Variants in FAM171A1 observed in about 807,000 individuals in gnomAD.
FAM171A1 encodes the protein family with sequence similarity 171 member A1, also known as protein FAM171A1.
A neutral mutation model predicts 74.9 loss-of-function variants in FAM171A1; 23 were observed. The observed-to-expected ratio is 0.31, with a 90% CI of 0.22 to 0.44. The LOEUF (loss-of-function observed/expected upper bound fraction) is 0.44, where lower values mean the gene tolerates loss of function less well. Among genes scored for constraint, FAM171A1 ranks in the 20% least tolerant of loss-of-function variants. FAM171A1 has a pLI of 1.00. For missense variants in FAM171A1, 1,162 were observed against 1,159.2 expected, an observed-to-expected ratio of 1.00 and a Z score of -0.03; for synonymous variants, 527 against 505.7, an observed-to-expected ratio of 1.04 and a Z score of -0.57.
intron 1 of FAM171A1, among the ~76,000 whole-genome samples, chr10:15,323,601 T>G (rs1034250952): frequency 1.3e-5 from 2 of 152,202 alleles, no homozygotes; most frequent in African/African-American, 4.8e-5. Context: ...AGAAATGGAC[T>G]TGGTGGGCAT....
chr10:15,331,735 A>ATG lies in FAM171A1; in HGVS notation c.97+39219_97+39220dup, dbSNP rs539025452. Among the ~76,000 whole-genome samples the ATG allele has an allele frequency of 4.0e-3, 590 of 148,852 alleles. 2 individuals carry two copies. The highest frequency in any genetic ancestry group is 0.012 in the African/African-American group (479 of 40,708). ...ATTACAGGACTGATGTTTTATATATATGTGTGTGTGTGTGTGTATGTATAT... is the reference window on the plus strand; with the variant it reads ...ATTACAGGACTGATGTTTTATATATATGTGTGTGTGTGTGTGTGTATGTATAT... On this transcript the variant is annotated intron_variant, in intron 1 of 7. Coordinates refer to ENST00000378116, the MANE Select transcript of FAM171A1 (RefSeq NM_001010924.2).
At chr10:15,241,575 G>A (rs1192931391) in intron 5 of FAM171A1, 1 of 152,130 alleles carries the variant, frequency 6.6e-6, no homozygotes, top group African/African-American at 2.4e-5. Flanking sequence ...CGACCCATGA[G>A]ATATTCTCCT....
At chr10:15,230,535 A>G (rs1306403835) in intron 5 of FAM171A1, among the ~76,000 whole-genome samples, 1 of 152,250 alleles carries the variant, frequency 6.6e-6, no homozygotes, top group Non-Finnish European at 1.5e-5. Flanking sequence ...TGAAATCATG[A>G]ATGTGTTGAA....
intron 3 of FAM171A1, among the ~76,000 whole-genome samples, chr10:15,264,824 C>T (rs1834717172): frequency 6.6e-6 from 1 of 151,484 alleles, no homozygotes; most frequent in Non-Finnish European, 1.5e-5. Flanking sequence ...GTAGTAAAGA[C>T]CACTATTTAT....
chr10:15,358,214 G>A (rs185780268), intron 1 of FAM171A1, among the ~76,000 whole-genome samples: 1 of 152,136 alleles, frequency 6.6e-6, no homozygotes, highest in East Asian at 1.9e-4. Flanking sequence ...GGGCTCAAGC[G>A]ATCCTCCTGC....
At chr10:15,251,152 C>G (rs1043458702) in intron 4 of FAM171A1, among the ~76,000 whole-genome samples, 1 of 152,158 alleles carries the variant, frequency 6.6e-6, no homozygotes, top group Non-Finnish European at 1.5e-5. Context: ...GAAATAAGTA[C>G]ACTCAGCTTG....
chr10:15,337,264 G>T (rs939382607), intron 1 of FAM171A1, among the ~76,000 whole-genome samples: 2 of 152,180 alleles, frequency 1.3e-5, no homozygotes, highest in East Asian at 3.8e-4. Flanking sequence ...CCCTAAAAAA[G>T]AAATATATGC....
upstream of FAM171A1, among the ~76,000 whole-genome samples, chr10:15,373,670 T>C (rs1836174395): frequency 6.6e-6 from 1 of 152,198 alleles, no homozygotes; most frequent in African/African-American, 2.4e-5. Flanking sequence ...AGGATAGATG[T>C]GACCTCTCTG....
At chr10:15,296,836 A>G (rs1430568227) in intron 1 of FAM171A1, among the ~76,000 whole-genome samples, 2 of 136,908 alleles carry the variant, frequency 1.5e-5, no homozygotes, top group African/African-American at 4.9e-5. Flanking sequence ...CATGGAAGAG[A>G]AAAATCTGCT....
intron 2 of FAM171A1, among the ~76,000 whole-genome samples, chr10:15,277,002 CA>C (rs1467105919): frequency 6.6e-6 from 1 of 152,154 alleles, no homozygotes; most frequent in Non-Finnish European, 1.5e-5. Context: ...ATGCTATTTT[CA>C]AACTCTTGCT....
rs1833938237 is a variant in FAM171A1, at chr10:15,214,318, C to G, written c.1270G>C (p.Glu424Gln). Residue 424 changes from glutamate (E) to glutamine (Q), a missense_variant, in exon 8 of 8, where the codon GAA becomes CAA. Physicochemically the swap from Glu to Gln is conservative, Grantham distance 29. Transcript: ENST00000378116. Reference protein sequence around the residue: ...MLKLSYSTSQEFSSREELLSC... With the variant: ...MLKLSYSTSQQFSSREELLSC... The stretch of plus-strand genomic sequence containing the variant: ...AGGAGCTCCTCCCGGGAGCTAAATT[C>G]CTGGGAGGTGCTGTAGGAGAGCTTG... The G allele has an allele frequency of 6.2e-7, 1 of 1,612,770 alleles. No homozygotes were observed.
intron 5 of FAM171A1, among the ~76,000 whole-genome samples, chr10:15,239,316 T>A (rs920993336): frequency 1.3e-5 from 2 of 151,872 alleles, no homozygotes; most frequent in African/African-American, 4.8e-5. Context: ...TTATTTTTAT[T>A]TTTTTTTGAG....
At chr10:15,316,673 C>A (rs1835426128) in intron 1 of FAM171A1, among the ~76,000 whole-genome samples, 1 of 152,104 alleles carries the variant, frequency 6.6e-6, no homozygotes. Context: ...AGGTGAGATG[C>A]CAGGTTCTTA....
intron 1 of FAM171A1, among the ~76,000 whole-genome samples, chr10:15,326,851 C>T (rs1319712136): frequency 2.0e-5 from 3 of 152,168 alleles, no homozygotes; most frequent in African/African-American, 4.8e-5. Context: ...TGGTTTTGAA[C>T]TCCTGACCTC....
chr10:15,314,166 G>A (rs1332258596), intron 1 of FAM171A1, among the ~76,000 whole-genome samples: 1 of 152,106 alleles, frequency 6.6e-6, no homozygotes, highest in African/African-American at 2.4e-5. Context: ...CCTACAACTG[G>A]GGAAGGATTT....
intron 4 of FAM171A1, among the ~76,000 whole-genome samples, chr10:15,250,193 T>C (rs376586597): frequency 6.6e-6 from 1 of 152,194 alleles, no homozygotes; most frequent in East Asian, 1.9e-4. Flanking sequence ...TGTTTTTTAA[T>C]GAAGGCAAAG....
At chr10:15,235,840 C>T (rs926962749) in intron 5 of FAM171A1, among the ~76,000 whole-genome samples, 21 of 152,206 alleles carry the variant, frequency 1.4e-4, no homozygotes, top group African/African-American at 4.1e-4. Context: ...CAGTGGGAAA[C>T]GCTGAATCTC....
chr10:15,331,055 A>C (rs1052831765), intron 1 of FAM171A1, among the ~76,000 whole-genome samples: 1 of 151,952 alleles, frequency 6.6e-6, no homozygotes, highest in Admixed American at 6.6e-5. Context: ...ACGCCTGGCT[A>C]ATTTTTGTAT....
intron 1 of FAM171A1, among the ~76,000 whole-genome samples, chr10:15,310,380 A>T (rs920955024): frequency 2.0e-5 from 3 of 152,180 alleles, no homozygotes; most frequent in African/African-American, 7.2e-5. Flanking sequence ...TGACCTAAGA[A>T]GGTTAAACAT....
Sources: gnomAD v4.1 joint callset for allele counts (sites outside exome capture counted in the v4.1 genomes callset) on GRCh38, gnomAD v4.1.1 for gene constraint, MANE v1.5 for transcripts, NCBI Gene and HGNC (gene_info 2026-07-23, HGNC 2026-07-21) for gene names.